The following KLHL14 variants were observed in gnomAD, a reference collection of about 807,000 sequenced individuals.
KLHL14 encodes kelch like family member 14.
KLHL14 carries 22 observed loss-of-function variants against 64.3 expected under a neutral mutation model. That is an observed-to-expected ratio of 0.34 (90% CI 0.24 to 0.49). The LOEUF is 0.49. Ranked by LOEUF, KLHL14 falls within the 20% of genes least tolerant of loss-of-function variation. KLHL14 has a pLI of 0.99. For missense variants in KLHL14, 661 were observed against 789.0 expected, an observed-to-expected ratio of 0.84 and a Z score of 1.94; for synonymous variants, 322 against 333.4, an observed-to-expected ratio of 0.97 and a Z score of 0.37.
intron 2 of KLHL14, among the ~76,000 whole-genome samples, chr18:32,750,959 C>A (rs2050248171): frequency 6.6e-6 from 1 of 152,204 alleles, no homozygotes; most frequent in African/African-American, 2.4e-5. Context: ...TTATTATAAC[C>A]TCTCTTTCCT....
intron 7 of KLHL14, among the ~76,000 whole-genome samples, chr18:32,677,815 A>T (rs2049819011): frequency 6.6e-6 from 1 of 152,192 alleles, no homozygotes; most frequent in Non-Finnish European, 1.5e-5. Context: ...TTACTTGAGT[A>T]AGTCACAAGT....
At chr18:32,696,152 A>T (rs1358317970) in intron 3 of KLHL14, among the ~76,000 whole-genome samples, 1 of 152,192 alleles carries the variant, frequency 6.6e-6, no homozygotes, top group African/African-American at 2.4e-5. Flanking sequence ...TAGCAGCACA[A>T]TCGCACATTC....
intron 1 of KLHL14, chr18:32,772,367 A>G (rs1231703590): frequency 4.8e-6 from 1 of 210,394 alleles, no homozygotes; most frequent in African/African-American, 2.4e-5. Flanking sequence ...TGCCTGAAAC[A>G]TCTTACAGAG....
chr18:32,712,019 C>G (rs761358837), intron 3 of KLHL14, among the ~76,000 whole-genome samples: 6 of 152,132 alleles, frequency 3.9e-5, no homozygotes, highest in African/African-American at 1.4e-4. Flanking sequence ...TCTCTCAGAT[C>G]GAGGGGCTAA....
chr18:32,736,330 C>T (rs2050165956), intron 3 of KLHL14, among the ~76,000 whole-genome samples: 1 of 152,058 alleles, frequency 6.6e-6, no homozygotes, highest in Non-Finnish European at 1.5e-5. Flanking sequence ...AGCCATGTAT[C>T]TCAAATTAGA....
chr18:32,719,963 T>TA (rs1363914568), intron 3 of KLHL14, among the ~76,000 whole-genome samples: 3 of 152,166 alleles, frequency 2.0e-5, no homozygotes, highest in African/African-American at 7.2e-5. Context: ...ATGTTTTCTG[T>TA]AAAAATTGTG....
chr18:32,732,850 A>G (rs565250809), intron 3 of KLHL14, among the ~76,000 whole-genome samples: 1 of 152,352 alleles, frequency 6.6e-6, no homozygotes, highest in African/African-American at 2.4e-5. Context: ...AAAGACAGAA[A>G]TGGATATCAT....
chr18:32,733,059 T>C (rs1014558304), intron 3 of KLHL14, among the ~76,000 whole-genome samples: 12 of 152,140 alleles, frequency 7.9e-5, no homozygotes, highest in African/African-American at 2.9e-4. Context: ...ATGAGCAGTA[T>C]TGAAAGGAAA....
At chr18:32,715,886 G>A (rs759464069) in intron 3 of KLHL14, among the ~76,000 whole-genome samples, 5 of 152,112 alleles carry the variant, frequency 3.3e-5, no homozygotes, top group Non-Finnish European at 7.4e-5. Context: ...CAGGGCCCTT[G>A]AGCTGAGAAG....
chr18:32,763,033 A>C (rs982460297), intron 2 of KLHL14, among the ~76,000 whole-genome samples: 40 of 152,086 alleles, frequency 2.6e-4, no homozygotes, highest in African/African-American at 8.9e-4. Context: ...ACAAAAACAA[A>C]TCTGACACCC....
Position 32,686,177 on chromosome 18 carries a change from A to ATT in KLHL14, c.1238+976_1238+977dup, listed in dbSNP as rs148393455. On this transcript the variant is annotated intron_variant, in intron 5 of 8. Transcript: ENST00000359358. Reference sequence around the variant, plus strand: ...CAGGCGCTTGCCACTGTGCCCGGCTATTTTTTTTTTTTTTTTTTTTTTTTG... The same window carrying ATT: ...CAGGCGCTTGCCACTGTGCCCGGCTATTTTTTTTTTTTTTTTTTTTTTTTTTG... Among the ~76,000 whole-genome samples, 149 of 107,642 alleles carry ATT rather than the reference A, an allele frequency of 1.4e-3. 2 individuals are homozygous for ATT. Among genetic ancestry groups the ATT allele is most frequent in the Non-Finnish European group, 2.0e-3 (109 of 55,364 alleles). The allele number at this position is 107,642 out of a possible 152,430, so 70.6% of individuals were successfully genotyped here.
At position 32,760,322 on chromosome 18, in the gene KLHL14, C is replaced by G. The variant is rs1222341725; in HGVS notation, c.947+9323G>C. On this transcript the variant is annotated intron_variant, in intron 2 of 8. Transcript: ENST00000359358. ...TAGCACCCAACAATATGTGATTGGACTGTGTACACACAGACATACACACAC... is the reference window on the plus strand; with the variant it reads ...TAGCACCCAACAATATGTGATTGGAGTGTGTACACACAGACATACACACAC... 2.2e-5 allele frequency among the ~76,000 whole-genome samples: 3 copies of G among 134,848 alleles called. No homozygotes were observed. In the East Asian group the frequency reaches 6.2e-4, roughly 28 times the overall value. 88.5% of individuals were successfully genotyped at this position (134,848 alleles called of 152,430 possible). A position where few individuals can be genotyped will look rare whatever the true frequency, so the allele number is the denominator to read the frequency against.
intron 2 of KLHL14, among the ~76,000 whole-genome samples, chr18:32,753,656 A>G (rs1388446463): frequency 6.6e-6 from 1 of 151,976 alleles, no homozygotes; most frequent in Non-Finnish European, 1.5e-5. Flanking sequence ...CATAAGCCCC[A>G]AGGATCAGGA....
intron 2 of KLHL14, chr18:32,745,062 C>A (rs556687780): frequency 1.3e-5 from 2 of 152,300 alleles, no homozygotes; most frequent in East Asian, 3.9e-4. Flanking sequence ...AAAAGGAAAT[C>A]CTACTTACCC....
chr18:32,686,905 C>A (rs1334219035), intron 5 of KLHL14, among the ~76,000 whole-genome samples: 1 of 152,012 alleles, frequency 6.6e-6, no homozygotes, highest in Non-Finnish European at 1.5e-5. Context: ...TGCAAAATAC[C>A]AATCAATATA....
At chr18:32,752,380 A>G (rs2050259016) in intron 2 of KLHL14, among the ~76,000 whole-genome samples, 1 of 152,226 alleles carries the variant, frequency 6.6e-6, no homozygotes, top group Admixed American at 6.5e-5. Context: ...TCAGAGAGCC[A>G]TATATTGGGA....
chr18:32,743,863 GAT>G (rs1334393161), intron 2 of KLHL14: 3 of 152,162 alleles, frequency 2.0e-5, no homozygotes, highest in African/African-American at 7.2e-5. Context: ...CCACAGAGCT[GAT>G]ATATGACCAT....
intron 3 of KLHL14, among the ~76,000 whole-genome samples, chr18:32,704,278 T>A (rs1362675352): frequency 6.6e-6 from 1 of 152,176 alleles, no homozygotes; most frequent in African/African-American, 2.4e-5. Context: ...ACCCAAGTTA[T>A]TGAGGGCAGA....
intron 1 of KLHL14, among the ~76,000 whole-genome samples, chr18:32,771,801 G>GGGGGGGCGGGGGAGCAGT (rs1486133121): frequency 6.6e-6 from 1 of 151,422 alleles, no homozygotes; most frequent in Admixed American, 6.6e-5. Flanking sequence ...TCGAACGAGC[G>GGGGGGGCGGGGGAGCAGT]GGGGGGCGGG....
Sources: gnomAD v4.1 joint callset for allele counts (sites outside exome capture counted in the v4.1 genomes callset) on GRCh38, gnomAD v4.1.1 for gene constraint, MANE v1.5 for transcripts, NCBI Gene and HGNC (gene_info 2026-07-23, HGNC 2026-07-21) for gene names.